EVA1C: variants seen among roughly 807,000 people sequenced by gnomAD.
EVA1C encodes the protein protein eva-1 homolog C.
In EVA1C, 25 loss-of-function variants were observed where a neutral mutation model predicts 45.4. The observed-to-expected ratio is 0.55, with a 90% confidence interval of 0.40 to 0.77. The LOEUF (loss-of-function observed/expected upper bound fraction) is 0.77, where lower values mean the gene tolerates loss of function less well. Among genes scored for constraint, EVA1C ranks in the 30% least tolerant of loss-of-function variants. EVA1C has a pLI of 0.00. For synonymous variants in EVA1C, 190 were observed against 221.2 expected (o/e 0.86, Z 1.25); for missense variants, 479 against 554.8 (o/e 0.86, Z 1.37).
chr21:32,513,483 CTTA>C (rs1280695414), intron 7 of EVA1C, among the ~76,000 whole-genome samples: 1 of 144,860 alleles, frequency 6.9e-6, no homozygotes, highest in Non-Finnish European at 1.5e-5. Context: ...CCGGCCAATA[CTTA>C]TTATATTATT....
chr21:32,512,779 A>T (rs2037998572), intron 7 of EVA1C, among the ~76,000 whole-genome samples: 1 of 152,154 alleles, frequency 6.6e-6, no homozygotes, highest in Admixed American at 6.5e-5. Context: ...AAGACAGAGA[A>T]GTTGAGTTGT....
rs372746920 is a variant in EVA1C at position 32,445,131 on chromosome 21, A to G, written c.161-8181A>G. On this transcript the variant is annotated intron_variant, in intron 1 of 7. Transcript: ENST00000300255. ...AATATTTAAAGGGGAAAGGATGGAT[A>G]TTGGGGGAATATACAATTTTCATAG... Among the ~76,000 whole-genome samples, 3 of 152,188 alleles carry G rather than the reference A, an allele frequency of 2.0e-5. No individual in the cohort carries two copies. In the East Asian group the frequency reaches 5.8e-4, roughly 29 times the overall value.
At chr21:32,444,930 T>C (rs1375632181) in intron 1 of EVA1C, among the ~76,000 whole-genome samples, 4 of 150,476 alleles carry the variant, frequency 2.7e-5, no homozygotes, top group Non-Finnish European at 5.9e-5. Context: ...TGTAGAACAC[T>C]TTGGGACACA....
intron 7 of EVA1C, among the ~76,000 whole-genome samples, chr21:32,511,434 A>AG (rs1207768331): frequency 6.6e-5 from 10 of 150,738 alleles, no homozygotes; most frequent in Admixed American, 1.3e-4. Flanking sequence ...AAAAAAAAAA[A>AG]AAAAAAAGAA....
At position 32,453,483 on chromosome 21, in the gene EVA1C, C is replaced by A. The variant is rs1294841820; in HGVS notation, c.332C>A (p.Thr111Asn). The change falls in exon 2 of 8, where the codon ACC becomes AAC. Residue 111 changes from threonine (T) to asparagine (N), a missense_variant. Around this residue, in one of 3 missense-constraint regions of EVA1C, gnomAD observed 366 missense variants for 426.1 expected, o/e 0.86. Coordinates refer to ENST00000300255, the MANE Select transcript of EVA1C (RefSeq NM_058187.5). ...GCCTCCCAGAGGGAAGACAGCTTAA[C>A]CTGTGTGGCAGCCACCACCTTCCAG... Reference protein sequence around the residue: ...KPASQREDSLTCVAATTFQKV... With the variant: ...KPASQREDSLNCVAATTFQKV... The A allele has an allele frequency of 6.2e-7, 1 of 1,608,730 alleles. No homozygotes were observed. The highest frequency in any genetic ancestry group is 8.5e-7 in the Non-Finnish European group (1 of 1,177,058).
At position 32,511,935 on chromosome 21, in the gene EVA1C, G is replaced by A. The variant is rs113117657; in HGVS notation, c.950-2879G>A. ...CAGTTCCCGACCCACCAGCAGGAGA[G>A]TGGGTGAATAAACTACATTATAGCC... On this transcript the variant is annotated intron_variant, in intron 7 of 7. Transcript: ENST00000300255. Among the ~76,000 whole-genome samples the A allele has an allele frequency of 1.0e-3, 154 of 152,228 alleles. 1 individual carries two copies. The highest frequency in any genetic ancestry group is 3.4e-3 in the African/African-American group (140 of 41,540).
upstream of EVA1C, chr21:32,412,111 C>G (rs1034316813): frequency 2.0e-5 from 3 of 152,338 alleles, no homozygotes; most frequent in African/African-American, 7.2e-5. Flanking sequence ...GTTTTGAGAC[C>G]TCCAGCTCGT....
intron 7 of EVA1C, among the ~76,000 whole-genome samples, chr21:32,513,558 T>C (rs2038036195): frequency 1.4e-5 from 2 of 141,574 alleles, no homozygotes; most frequent in African/African-American, 5.2e-5. Context: ...TTTCTTTTTT[T>C]TTTTTTTTTT....
chr21:32,476,143 C>CT (rs566574081), intron 4 of EVA1C, among the ~76,000 whole-genome samples: 26 of 148,936 alleles, frequency 1.7e-4, no homozygotes, highest in Admixed American at 4.0e-4. Flanking sequence ...GCTTTTGCCT[C>CT]TTTTTTTTTT....
intron 1 of EVA1C, among the ~76,000 whole-genome samples, chr21:32,434,318 G>A (rs1308563509): frequency 4.6e-5 from 6 of 129,428 alleles, no homozygotes; most frequent in African/African-American, 1.4e-4. Flanking sequence ...TAGGCCGGGC[G>A]TGGTGGCTCA....
intron 1 of EVA1C, among the ~76,000 whole-genome samples, chr21:32,414,116 A>G (rs561753885): frequency 6.6e-6 from 1 of 152,266 alleles, no homozygotes; most frequent in South Asian, 2.1e-4. Flanking sequence ...GTTAGTGGAG[A>G]GCCCTTAGGT....
intron 3 of EVA1C, among the ~76,000 whole-genome samples, chr21:32,466,296 G>A (rs999170508): frequency 2.6e-5 from 4 of 151,916 alleles, no homozygotes; most frequent in African/African-American, 7.3e-5. Context: ...GCGGGTGCCT[G>A]TAGTCCCAGC....
chr21:32,419,525 G>A (rs569393960), intron 1 of EVA1C, among the ~76,000 whole-genome samples: 1 of 152,238 alleles, frequency 6.6e-6, no homozygotes, highest in East Asian at 1.9e-4. Flanking sequence ...GACCAGCCTG[G>A]CCAAAATGGT....
At chr21:32,513,123 C>T (rs1329224109) in intron 7 of EVA1C, among the ~76,000 whole-genome samples, 2 of 148,626 alleles carry the variant, frequency 1.3e-5, no homozygotes, top group South Asian at 2.1e-4. Flanking sequence ...ATAATACTTA[C>T]AATGATATAA....
At chr21:32,492,986 C>T (rs1488117646) in intron 4 of EVA1C, among the ~76,000 whole-genome samples, 3 of 152,026 alleles carry the variant, frequency 2.0e-5, no homozygotes, top group Non-Finnish European at 4.4e-5. Context: ...TGTGTGCATG[C>T]ACAAGTGTGT....
At chr21:32,469,510 G>A (rs2036296871) in intron 4 of EVA1C, among the ~76,000 whole-genome samples, 1 of 152,172 alleles carries the variant, frequency 6.6e-6, no homozygotes, top group Non-Finnish European at 1.5e-5. Flanking sequence ...GGCCATGGTA[G>A]GACTAAGAGC....
At chr21:32,497,032 G>A (rs867023824) in intron 5 of EVA1C, 68 of 1,355,042 alleles carry the variant, frequency 5.0e-5, no homozygotes, top group South Asian at 5.0e-4. Context: ...GGTCTGTATT[G>A]ACAGCTATGG....
chr21:32,496,965 T>G (rs2037372772), intron 5 of EVA1C: 1 of 1,433,490 alleles, frequency 7.0e-7, no homozygotes. Context: ...ATGTGCAGGT[T>G]GGAGATCTCA....
intron 7 of EVA1C, among the ~76,000 whole-genome samples, chr21:32,504,293 A>G (rs1167162951): frequency 6.6e-6 from 1 of 152,220 alleles, no homozygotes; most frequent in Non-Finnish European, 1.5e-5. Context: ...TAGAAACCCG[A>G]GGAATGCATT....
Sources: allele counts gnomAD v4.1 joint callset (sites outside exome capture counted in the v4.1 genomes callset), GRCh38; gene constraint gnomAD v4.1.1; regional missense constraint gnomAD v4.1.1; transcripts MANE v1.5; gene names NCBI Gene and HGNC (gene_info 2026-07-23, HGNC 2026-07-21).